Variants in FBXO34 observed in about 807,000 individuals in gnomAD.
FBXO34 encodes the protein F-box protein 34, also known as F-box only protein 34.
Under a neutral mutation model 24.5 loss-of-function variants are expected in FBXO34, and 12 were observed. The observed-to-expected ratio is 0.49, with a 90% CI of 0.31 to 0.79. The LOEUF is 0.79. Ranked by LOEUF, FBXO34 falls within the 30% of genes least tolerant of loss-of-function variation. The probability of loss-of-function intolerance (pLI) is 0.04; values close to 1 mark genes in which losing one functional copy is unlikely to be tolerated. For missense variants in FBXO34, 823 were observed against 857.7 expected (o/e 0.96, Z 0.51); for synonymous variants, 320 against 311.9 (o/e 1.03, Z -0.27).
chr14:55,437,091 T>C, the FBXO34 span: 3 of 1,347,002 alleles, frequency 2.2e-6, no homozygotes, highest in Non-Finnish European at 3.2e-6. Flanking sequence ...GGGATGTCAC[T>C]ATGGCAGGCA....
chr14:55,306,382 A>C (rs1277949966), intron 1 of FBXO34, among the ~76,000 whole-genome samples: 1 of 152,218 alleles, frequency 6.6e-6, no homozygotes, highest in African/African-American at 2.4e-5. Flanking sequence ...TTTTCTTTAG[A>C]GTTGCAATGC....
At chr14:55,429,882 G>C in the FBXO34 span, among the ~76,000 whole-genome samples, 1 of 150,002 alleles carries the variant, frequency 6.7e-6, no homozygotes, top group Non-Finnish European at 1.5e-5. Flanking sequence ...CACAGACAAG[G>C]TATCAGTTCT....
chr14:55,428,774 A>T, the FBXO34 span: 3 of 1,581,272 alleles, frequency 1.9e-6, no homozygotes, highest in African/African-American at 2.7e-5. Flanking sequence ...ATATCTTGGT[A>T]AATTCAAAGT....
At chr14:55,350,104 A>G (rs190401283) in intron 1 of FBXO34, among the ~76,000 whole-genome samples, 1 of 151,964 alleles carries the variant, frequency 6.6e-6, no homozygotes, top group East Asian at 1.9e-4. Flanking sequence ...AAGTTTACCA[A>G]ATGTTAACTG....
chr14:55,385,998 G>A, the FBXO34 span: 148 of 1,614,016 alleles, frequency 9.2e-5, no homozygotes, highest in Non-Finnish European at 1.1e-4. Context: ...CCAAGTTTGC[G>A]ATTATGCCTC....
At chr14:55,341,507 G>A (rs759162048) in intron 1 of FBXO34, among the ~76,000 whole-genome samples, 2 of 152,182 alleles carry the variant, frequency 1.3e-5, no homozygotes, top group African/African-American at 2.4e-5. Context: ...AGGGATAGGA[G>A]TTTTATTTTC....
intron 1 of FBXO34, among the ~76,000 whole-genome samples, chr14:55,311,495 A>G (rs553361062): frequency 3.3e-5 from 5 of 152,310 alleles, no homozygotes; most frequent in South Asian, 4.1e-4. Context: ...TCACTCCAGC[A>G]TTAACTCTAA....
At chr14:55,359,472 T>TA (rs1226928887) in intron 3 of FBXO34, among the ~76,000 whole-genome samples, 3 of 152,302 alleles carry the variant, frequency 2.0e-5, no homozygotes, top group Admixed American at 6.5e-5. Flanking sequence ...GCATTATGTC[T>TA]AAAAAACAAT....
chr14:55,336,577 A>C (rs977748515), intron 1 of FBXO34, among the ~76,000 whole-genome samples: 1 of 152,182 alleles, frequency 6.6e-6, no homozygotes, highest in African/African-American at 2.4e-5. Flanking sequence ...ATAATTATGG[A>C]AAAATTTAGC....
intron 1 of FBXO34, among the ~76,000 whole-genome samples, chr14:55,322,662 CAT>C (rs1883180622): frequency 6.6e-6 from 1 of 151,988 alleles, no homozygotes; most frequent in African/African-American, 2.4e-5. Flanking sequence ...ACCTTTTGTG[CAT>C]ATTGCAAATA....
chr14:55,410,975 C>A, the FBXO34 span, among the ~76,000 whole-genome samples: 3 of 152,320 alleles, frequency 2.0e-5, no homozygotes, highest in African/African-American at 7.2e-5. Context: ...ATTCTCTTAA[C>A]TAAAAGCATG....
intron 1 of FBXO34, among the ~76,000 whole-genome samples, chr14:55,336,483 A>G (rs747130851): frequency 6.6e-6 from 1 of 152,240 alleles, no homozygotes; most frequent in South Asian, 2.1e-4. Flanking sequence ...TCTACACTGT[A>G]TGTACATAAT....
chr14:55,380,875 A>ATATATATATT, the FBXO34 span, among the ~76,000 whole-genome samples: 166 of 112,696 alleles, frequency 1.5e-3, no homozygotes, highest in African/African-American at 3.6e-3. Context: ...ATATATATAT[A>ATATATATATT]TTTTTTTTTT....
the FBXO34 span, among the ~76,000 whole-genome samples, chr14:55,392,437 C>T: frequency 8.4e-4 from 128 of 152,238 alleles, no homozygotes; most frequent in Middle Eastern, 0.01. Flanking sequence ...CACTTGAGCT[C>T]AGGAGTTCGA....
At chr14:55,296,028 C>A (rs1004994071) in intron 1 of FBXO34, among the ~76,000 whole-genome samples, 10 of 152,158 alleles carry the variant, frequency 6.6e-5, no homozygotes, top group African/African-American at 2.2e-4. Flanking sequence ...TGGCTTGCAC[C>A]TGTAATCCCA....
At chr14:55,300,927 T>C (rs1451498153) in intron 1 of FBXO34, among the ~76,000 whole-genome samples, 1 of 152,242 alleles carries the variant, frequency 6.6e-6, no homozygotes, top group Non-Finnish European at 1.5e-5. Context: ...CTGAATATAC[T>C]AAGGTTATTC....
the FBXO34 span, among the ~76,000 whole-genome samples, chr14:55,393,246 G>A: frequency 5.9e-5 from 9 of 152,162 alleles, no homozygotes; most frequent in South Asian, 2.1e-4. Flanking sequence ...TTAGCCGGGC[G>A]TGGTGGTGGG....
chr14:55,433,311 T>C, the FBXO34 span, among the ~76,000 whole-genome samples: 1 of 29,834 alleles, frequency 3.4e-5, no homozygotes, highest in South Asian at 2.0e-3. Flanking sequence ...AGATTTCTCT[T>C]TTTTTTTTTT....
chr14:55,299,314 C>T (rs984116477), intron 1 of FBXO34: 2 of 683,426 alleles, frequency 2.9e-6, no homozygotes, highest in Non-Finnish European at 5.3e-6. Flanking sequence ...CCATCGCTCT[C>T]GACTCTCACT....
Sources: gnomAD v4.1 joint callset for allele counts (sites outside exome capture counted in the v4.1 genomes callset) on GRCh38, gnomAD v4.1.1 for gene constraint, MANE v1.5 for transcripts, NCBI Gene and HGNC (gene_info 2026-07-23, HGNC 2026-07-21) for gene names.